The following DHX33 variants were observed in gnomAD, a reference collection of about 807,000 sequenced individuals.
DHX33 encodes the protein ATP-dependent RNA helicase DHX33.
A neutral mutation model predicts 72.5 loss-of-function variants in DHX33; 42 were observed. That is an observed-to-expected ratio of 0.58 (90% CI 0.45 to 0.75). DHX33 has a LOEUF of 0.75. Among genes scored for constraint, DHX33 ranks in the 30% least tolerant of loss-of-function variants. The probability of loss-of-function intolerance (pLI) is 0.00; values close to 1 mark genes in which losing one functional copy is unlikely to be tolerated. For synonymous variants in DHX33, 358 were observed against 366.1 expected (o/e 0.98, Z 0.25); for missense variants, 842 against 917.5 (o/e 0.92, Z 1.06).
Position 5,456,144 on chromosome 17 carries a change from A to G in DHX33, c.888T>C (p.Thr296=), listed in dbSNP as rs1189045081. 8 of 1,614,080 alleles carry G rather than the reference A, an allele frequency of 5.0e-6. No homozygotes were observed. Among genetic ancestry groups the G allele is most frequent in the East Asian group, 2.2e-5 (1 of 44,892 alleles). ...TCATGGCTTCGATCTCCTCCTGCCC[A>G]GTGAGGAACACCAGGATGTCCTGTG... ...PSSQDILVFL[T]GQEEIEAMSK... Residue 296 remains threonine (T), a synonymous_variant, in exon 5 of 12, where the codon ACT becomes ACC. Coordinates refer to ENST00000225296, the MANE Select transcript of DHX33 (RefSeq NM_020162.4).
chr17:5,451,961 A>G (rs996822919), intron 8 of DHX33, among the ~76,000 whole-genome samples: 1 of 152,182 alleles, frequency 6.6e-6, no homozygotes, highest in African/African-American at 2.4e-5. Context: ...AAACTTACAA[A>G]CAACAGGTGG....
At chr17:5,451,958 C>G (rs1365988825) in intron 8 of DHX33, among the ~76,000 whole-genome samples, 1 of 152,036 alleles carries the variant, frequency 6.6e-6, no homozygotes, top group Non-Finnish European at 1.5e-5. Flanking sequence ...CATAAACTTA[C>G]AAACAACAGG....
At position 5,468,960 on chromosome 17, in the gene DHX33, G is replaced by A. The variant is rs1360309428; in HGVS notation, c.-101C>T. 10 of 982,898 alleles carry A rather than the reference G, an allele frequency of 1.0e-5. No homozygotes were observed. Among genetic ancestry groups the A allele is most frequent in the Non-Finnish European group, 1.2e-5 (8 of 686,314 alleles). The allele number at this position is 982,898 out of a possible 1,614,324, so 60.9% of individuals were successfully genotyped here. ...CACCGCCCCTTCCTCGCCGCCACGTGCTGGCGGCTCCCGGCGACCACCGAT... is the reference window on the plus strand; with the variant it reads ...CACCGCCCCTTCCTCGCCGCCACGTACTGGCGGCTCCCGGCGACCACCGAT... On this transcript the variant is annotated 5_prime_UTR_variant, in exon 1 of 12. Transcript: ENST00000225296.
rs144998570 is a variant in DHX33, at chr17:5,452,494, C to T, written c.1396+1086G>A. Among the ~76,000 whole-genome samples, 667 of 152,174 alleles carry T rather than the reference C, an allele frequency of 4.4e-3. 5 individuals are homozygous for T. The highest frequency in any genetic ancestry group is 6.9e-3 in the Non-Finnish European group (468 of 68,006). On this transcript the variant is annotated intron_variant, in intron 8 of 11. Coordinates refer to ENST00000225296, the MANE Select transcript of DHX33 (RefSeq NM_020162.4). ...GGTGGAGGTTGCAGTGAGCTGGGAT[C>T]GCACCACTGCACTCCAGCCTGGGCA...
At chr17:5,449,095 C>T (rs1311900698) in intron 10 of DHX33, among the ~76,000 whole-genome samples, 200 bp from the exon 11 acceptor site, 1 of 152,126 alleles carries the variant, frequency 6.6e-6, no homozygotes, top group Non-Finnish European at 1.5e-5. Flanking sequence ...ATCCTCTCAT[C>T]TCTATAGAGA....
At chr17:5,458,777 A>T (rs1305788994) in intron 4 of DHX33, among the ~76,000 whole-genome samples, 4 of 152,236 alleles carry the variant, frequency 2.6e-5, no homozygotes, top group Non-Finnish European at 4.4e-5. Flanking sequence ...GATTGAAAGT[A>T]GGTGCCCTAA....
intron 11 of DHX33, among the ~76,000 whole-genome samples, chr17:5,447,869 A>G (rs1839487431): frequency 6.6e-6 from 1 of 152,080 alleles, no homozygotes; most frequent in African/African-American, 2.4e-5. Context: ...GCCCAGCCAC[A>G]GGAAGGATTT....
At chr17:5,450,175 T>C (rs770699206) in intron 10 of DHX33, 28 bp downstream of exon 10, 6 of 1,613,064 alleles carry the variant, frequency 3.7e-6, no homozygotes, top group Admixed American at 3.3e-5. Flanking sequence ...CAGCTATCGC[T>C]GGAGAACAGG....
intron 5 of DHX33, 27 bp downstream of exon 5, chr17:5,455,970 G>C (rs1250152777): frequency 6.2e-7 from 1 of 1,602,466 alleles, no homozygotes; most frequent in Admixed American, 1.7e-5. Context: ...CCAGAATAGG[G>C]CTGGACAGAA....
At chr17:5,457,755 G>T (rs3865353) in intron 4 of DHX33, among the ~76,000 whole-genome samples, 91,240 of 151,878 alleles carry the variant, frequency 0.6, 30,156 homozygotes, top group East Asian at 0.99. Context: ...TGTGCAGAGG[G>T]ATACACAGAC....
chr17:5,459,806 A>T (rs1226414812), intron 4 of DHX33, among the ~76,000 whole-genome samples: 1 of 152,064 alleles, frequency 6.6e-6, no homozygotes. Context: ...CTTCTTTAAA[A>T]AATAATTTTT....
In DHX33 at chr17:5,468,683, C is replaced by T; in HGVS notation, c.177G>A (p.Ser59=). ...RRQQPPLAQP[S]ASPYPEAVEL... ...CCACAGCTTCAGGGTAGGGACTGGC[C>T]GAGGGCTGGGCCAGGGGCGGCTGCT... Residue 59 remains serine (S), a synonymous_variant, in exon 1 of 12, where the codon TCG becomes TCA. Transcript: ENST00000225296. 7 of 1,612,314 alleles carry T rather than the reference C, an allele frequency of 4.3e-6. No individual in the cohort carries two copies. The highest frequency in any genetic ancestry group is 5.9e-6 in the Non-Finnish European group (7 of 1,179,640).
In DHX33 at chr17:5,462,355, C is replaced by G; in HGVS notation, c.642G>C (p.Gln214His). 1.9e-6 allele frequency: 3 copies of G among 1,614,126 alleles called. No homozygotes were observed. Among genetic ancestry groups the G allele is most frequent in the Non-Finnish European group, 2.5e-6 (3 of 1,180,024 alleles). The change falls in exon 3 of 12, where the codon CAG becomes CAC. Residue 214 changes from glutamine (Q) to histidine (H), a missense_variant. By Grantham distance (24) the Gln-to-His change is conservative (BLOSUM62 0). Transcript: ENST00000225296. ...GTTTCCCGAGTTCCTTTCTCCTCTT[C>G]TGTGCAGCTTTCACCACTCCAAAGA... ...DVLFGVVKAA[Q>H]KRRKELGKLP...
Position 5,456,200 on chromosome 17 carries a change from T to C in DHX33, c.850-18A>G. ...GGGGCTTCCTGTAAAAAAAGTAGAG[T>C]GGGTTTACTAGGCATTGATAGAATT... is the stretch of plus-strand genomic sequence containing the variant. On this transcript the variant is annotated intron_variant, in intron 4 of 11. Transcript: ENST00000225296. The C allele has an allele frequency of 6.2e-7, 1 of 1,612,440 alleles. No individual in the cohort carries two copies. The highest frequency in any genetic ancestry group is 1.1e-5 in the South Asian group (1 of 91,028).
chr17:5,459,988 C>T (rs1206951100), intron 4 of DHX33, among the ~76,000 whole-genome samples: 1 of 149,772 alleles, frequency 6.7e-6, no homozygotes, highest in Non-Finnish European at 1.5e-5. Flanking sequence ...ATATGTATAG[C>T]GTACGGGGTT....
intron 5 of DHX33, among the ~76,000 whole-genome samples, 168 bp downstream of exon 5, chr17:5,455,829 C>A (rs768579531): frequency 1.3e-5 from 2 of 152,208 alleles, no homozygotes; most frequent in East Asian, 3.8e-4. Context: ...AGGAGCGCTG[C>A]GTGTGTCACC....
intron 3 of DHX33, chr17:5,461,436 G>A (rs575301198): frequency 3.3e-3 from 517 of 158,964 alleles, no homozygotes; most frequent in Non-Finnish European, 5.6e-3. Flanking sequence ...TGGCTAACAC[G>A]GTGAAACCCC....
chr17:5,447,474 A>G (rs139280620), intron 11 of DHX33, among the ~76,000 whole-genome samples: 321 of 152,178 alleles, frequency 2.1e-3, no homozygotes, highest in African/African-American at 7.2e-3. Context: ...AATACAAAAT[A>G]TTAGCCGGGT....
At chr17:5,448,955 G>GCAAGACCCCGTCTCTGTGA in intron 10 of DHX33, 60 bp from the exon 11 acceptor site, 1 of 1,392,348 alleles carries the variant, frequency 7.2e-7, no homozygotes, top group Non-Finnish European at 1.0e-6. Context: ...TGTTCACAGA[G>GCAAGACCCCGTCTCTGTGA]ACGGGGTCTT....
Sources: allele counts gnomAD v4.1 joint callset (sites outside exome capture counted in the v4.1 genomes callset), GRCh38; gene constraint gnomAD v4.1.1; transcripts MANE v1.5; gene names NCBI Gene and HGNC (gene_info 2026-07-23, HGNC 2026-07-21).